The following SVOP variants were observed in gnomAD, a reference collection of about 807,000 sequenced individuals.
SVOP encodes SV2 related protein.
In SVOP, 17 loss-of-function variants were observed where a neutral mutation model predicts 69.1. The observed-to-expected ratio is 0.25, with a 90% CI of 0.17 to 0.37. SVOP has a LOEUF of 0.37. Among genes scored for constraint, SVOP ranks in the 10% least tolerant of loss-of-function variants. The probability of loss-of-function intolerance (pLI) is 1.00; values close to 1 mark genes in which losing one functional copy is unlikely to be tolerated. For missense variants in SVOP, 435 were observed against 597.5 expected (o/e 0.73, Z 2.84); for synonymous variants, 238 against 238.6 (o/e 1.00, Z 0.02).
intron 6 of SVOP, among the ~76,000 whole-genome samples, chr12:108,952,844 G>A (rs1286993308): frequency 6.6e-6 from 1 of 152,128 alleles, no homozygotes. Flanking sequence ...TGGCAACAGA[G>A]CGAAATCCGG....
intron 11 of SVOP, among the ~76,000 whole-genome samples, chr12:108,925,036 C>A: frequency 6.6e-6 from 1 of 151,820 alleles, no homozygotes. Flanking sequence ...TTACCAATTA[C>A]AAATCAAAGA....
intron 6 of SVOP, among the ~76,000 whole-genome samples, chr12:108,952,230 C>CTTTTTTT (rs36191772): frequency 9.3e-4 from 91 of 98,368 alleles, no homozygotes; most frequent in South Asian, 1.3e-3. Flanking sequence ...TTTCTTTTCT[C>CTTTTTTT]TTTTTTTTTT....
chr12:108,973,293 A>T (rs567864787), intron 4 of SVOP, among the ~76,000 whole-genome samples: 1 of 152,322 alleles, frequency 6.6e-6, no homozygotes, highest in Non-Finnish European at 1.5e-5. Context: ...CTGACCCAAA[A>T]AGCATTTCTT....
intron 11 of SVOP, among the ~76,000 whole-genome samples, chr12:108,933,697 AT>A (rs200802351): frequency 0.016 from 2,406 of 151,852 alleles, 30 homozygotes; most frequent in Middle Eastern, 0.079. Flanking sequence ...AAATAAAAAA[AT>A]AATAATAATA....
At chr12:108,968,633 T>C (rs2040060128) in intron 5 of SVOP, among the ~76,000 whole-genome samples, 1 of 152,164 alleles carries the variant, frequency 6.6e-6, no homozygotes, top group East Asian at 1.9e-4. Flanking sequence ...TTCTGTTATA[T>C]TCCTCACTGC....
intron 5 of SVOP, among the ~76,000 whole-genome samples, chr12:108,965,570 G>A (rs1392468128): frequency 6.6e-6 from 1 of 152,108 alleles, no homozygotes; most frequent in African/African-American, 2.4e-5. Flanking sequence ...TTATTTTTAT[G>A]CAAGATGTCA....
At chr12:109,017,807 G>A (rs2040376137) in intron 1 of SVOP, among the ~76,000 whole-genome samples, 2 of 152,220 alleles carry the variant, frequency 1.3e-5, no homozygotes, top group Admixed American at 1.3e-4. Context: ...GTCTCCCAAA[G>A]TGCTGGGATT....
chr12:108,958,295 T>C (rs1369036641), intron 6 of SVOP, among the ~76,000 whole-genome samples: 2 of 133,204 alleles, frequency 1.5e-5, no homozygotes, highest in Non-Finnish European at 3.4e-5. Flanking sequence ...TAAGGTACCA[T>C]GCCTGGCCTT....
intron 6 of SVOP, 76 bp downstream of exon 6, chr12:108,960,842 CCCCTA>C: frequency 6.7e-7 from 1 of 1,481,856 alleles, no homozygotes; most frequent in Non-Finnish European, 9.0e-7. Context: ...CCCATCTCAG[CCCCTA>C]ACTCCTGATC....
intron 1 of SVOP, 78 bp downstream of exon 1, chr12:109,020,756 C>CG (rs1555254163): frequency 7.0e-6 from 2 of 285,054 alleles, no homozygotes; most frequent in Admixed American, 5.0e-5. Context: ...AGAGATGTAC[C>CG]CCCCCCCACC....
rs533060960 is a variant in SVOP at position 108,910,744 on chromosome 12, G to A, written c.*1791C>T. ...CTCAGCCACAATGTTGGCTGCCAACGGTATGTCTTTCCCCACTCATTGGAA... is the reference window on the plus strand; with the variant it reads ...CTCAGCCACAATGTTGGCTGCCAACAGTATGTCTTTCCCCACTCATTGGAA... On this transcript the variant is annotated 3_prime_UTR_variant, in exon 16 of 16. Transcript: ENST00000610966. The A allele has an allele frequency of 9.2e-5, 14 of 152,292 alleles. No individual in the cohort carries two copies. Among genetic ancestry groups the A allele is most frequent in the South Asian group, 2.1e-4 (1 of 4,834 alleles). 9.4% of individuals were successfully genotyped at this position (152,292 alleles called of 1,614,324 possible).
intron 9 of SVOP, among the ~76,000 whole-genome samples, chr12:108,938,335 C>T (rs568668510): frequency 9.9e-5 from 15 of 152,152 alleles, no homozygotes; most frequent in Non-Finnish European, 1.9e-4. Flanking sequence ...ACTAGGTGCT[C>T]ATTAAGTTTC....
At chr12:108,925,255 C>T (rs1315878256) in intron 11 of SVOP, among the ~76,000 whole-genome samples, 1 of 152,188 alleles carries the variant, frequency 6.6e-6, no homozygotes, top group Non-Finnish European at 1.5e-5. Context: ...CCTTGCTTGG[C>T]ATCCTGCAAA....
In SVOP at chr12:108,922,672, C is replaced by A. The variant is rs768038920; in HGVS notation, c.1156+18G>T. The A allele has an allele frequency of 6.3e-7, 1 of 1,577,382 alleles. No individual in the cohort carries two copies. The highest frequency in any genetic ancestry group is 8.7e-7 in the Non-Finnish European group (1 of 1,155,210). ...CCAGGCTTGCCTGACACAGCTTCAC[C>A]TTGCACAGGTCCCTCACCTGGAAAC... On this transcript the variant is annotated intron_variant, in intron 12 of 15. Transcript: ENST00000610966.
At chr12:108,993,425 A>G (rs1242813821) in intron 1 of SVOP, among the ~76,000 whole-genome samples, 1 of 151,530 alleles carries the variant, frequency 6.6e-6, no homozygotes, top group Non-Finnish European at 1.5e-5. Flanking sequence ...TAGCACTGCC[A>G]CAGATGTTAC....
intron 1 of SVOP, among the ~76,000 whole-genome samples, chr12:108,996,994 C>T (rs1401953367): frequency 6.6e-6 from 1 of 152,232 alleles, no homozygotes; most frequent in African/African-American, 2.4e-5. Context: ...CGGTCTACAG[C>T]TCCCAGCGTG....
chr12:108,971,264 A>G (rs2040077387), intron 5 of SVOP, among the ~76,000 whole-genome samples: 1 of 151,988 alleles, frequency 6.6e-6, no homozygotes. Context: ...CCCTGTCTGT[A>G]CTAAAAATAC....
chr12:109,014,926 G>T (rs2040359968), intron 1 of SVOP, among the ~76,000 whole-genome samples: 1 of 152,130 alleles, frequency 6.6e-6, no homozygotes, highest in African/African-American at 2.4e-5. Context: ...GTCTTGCTTT[G>T]TTGCCCAGGC....
chr12:108,967,739 A>G (rs1273701727), intron 5 of SVOP, among the ~76,000 whole-genome samples: 1 of 152,108 alleles, frequency 6.6e-6, no homozygotes, highest in African/African-American at 2.4e-5. Flanking sequence ...CTTGGCCCCT[A>G]TGCACTGGAT....
Sources: allele counts gnomAD v4.1 joint callset (sites outside exome capture counted in the v4.1 genomes callset), GRCh38; gene constraint gnomAD v4.1.1; transcripts MANE v1.5; gene names NCBI Gene and HGNC (gene_info 2026-07-23, HGNC 2026-07-21).